The following IGFBP2 variants were observed in gnomAD, a reference collection of about 807,000 sequenced individuals.
IGFBP2 encodes insulin like growth factor binding protein 2.
In IGFBP2, 12 loss-of-function variants were observed where a neutral mutation model predicts 26.2. The observed-to-expected ratio is 0.46, with a 90% CI of 0.29 to 0.74. IGFBP2 has a LOEUF of 0.74. Among genes scored for constraint, IGFBP2 ranks in the 30% least tolerant of loss-of-function variants. The pLI, the probability that IGFBP2 is intolerant of heterozygous loss-of-function variation, is 0.09. For missense variants in IGFBP2, 328 were observed against 441.2 expected (o/e 0.74, Z 2.30); for synonymous variants, 189 against 200.6 (o/e 0.94, Z 0.49).
intron 1 of IGFBP2, among the ~76,000 whole-genome samples, chr2:216,647,834 T>G (rs9341151): frequency 0.051 from 7,750 of 152,162 alleles, 600 homozygotes; most frequent in African/African-American, 0.18. Flanking sequence ...TTTATTTGTT[T>G]TTTTGAGACA....
At chr2:216,638,742 C>T (rs1008113016) in intron 1 of IGFBP2, among the ~76,000 whole-genome samples, 1 of 151,784 alleles carries the variant, frequency 6.6e-6, no homozygotes, top group African/African-American at 2.4e-5. Context: ...CTCTCTTGCC[C>T]AGGCTGGAGT....
At chr2:216,663,759 A>T (rs1688702937) in intron 3 of IGFBP2, 181 bp from the exon 4 acceptor site, 3 of 600,722 alleles carry the variant, frequency 5.0e-6, no homozygotes, top group Non-Finnish European at 8.8e-6. Flanking sequence ...CTCTCCAGGG[A>T]CCTACTGCAT....
chr2:216,663,300 G>C (rs1173338426), intron 3 of IGFBP2: 1 of 152,210 alleles, frequency 6.6e-6, no homozygotes, highest in Non-Finnish European at 1.5e-5. Flanking sequence ...GGAGTAGTTA[G>C]CTTATGCATA....
rs963232484 is a variant in IGFBP2 at position 216,641,689 on chromosome 2, T to C, written c.442+7724T>C. Among the ~76,000 whole-genome samples the C allele has an allele frequency of 1.1e-4, 9 of 85,106 alleles. No individual in the cohort carries two copies. In the African/African-American group the frequency reaches 1.1e-3, roughly 10 times the overall value. 55.8% of individuals were successfully genotyped at this position (85,106 alleles called of 152,430 possible). ...ACGGTTGGAGACCATCGGGCTTGCATTTTTTTTTTTTTTTTTTTTAGACAG... is the reference window on the plus strand; with the variant it reads ...ACGGTTGGAGACCATCGGGCTTGCACTTTTTTTTTTTTTTTTTTTAGACAG... On this transcript the variant is annotated intron_variant, in intron 1 of 3. Transcript: ENST00000233809.
At chr2:216,649,429 A>G (rs1399243891) in intron 1 of IGFBP2, among the ~76,000 whole-genome samples, 2 of 152,190 alleles carry the variant, frequency 1.3e-5, no homozygotes, top group Non-Finnish European at 2.9e-5. Context: ...AGAGAGAAGA[A>G]TTGCTGGGTC....
Position 216,633,570 on chromosome 2 carries a change from C to CTGCTGCT in IGFBP2, c.47_48insTGCTGCT (p.Leu17AlafsTer118). ...CCCGCGCTGCCGCTGCCGCCGCCGC[C>CTGCTGCT]GCTGCTGCCGCTGCTGCTGCTGCTA... On this transcript the variant is annotated frameshift_variant, in exon 1 of 4. Coordinates refer to ENST00000233809, the MANE Select transcript of IGFBP2 (RefSeq NM_000597.3). LOFTEE classifies it high-confidence loss of function. The CTGCTGCT allele has an allele frequency of 2.0e-6, 2 of 1,008,442 alleles. No homozygotes were observed. Among genetic ancestry groups the CTGCTGCT allele is most frequent in the Non-Finnish European group, 2.4e-6 (2 of 846,860 alleles). The allele number at this position is 1,008,442 out of a possible 1,614,324, so 62.5% of individuals were successfully genotyped here.
intron 1 of IGFBP2, among the ~76,000 whole-genome samples, chr2:216,639,777 G>A (rs1279499651): frequency 2.0e-5 from 3 of 151,998 alleles, no homozygotes; most frequent in Non-Finnish European, 4.4e-5. Context: ...CAAGTAGCTG[G>A]AATTATAGAC....
chr2:216,658,809 CCCAA>C (rs761517912), intron 1 of IGFBP2, among the ~76,000 whole-genome samples: 1 of 152,036 alleles, frequency 6.6e-6, no homozygotes, highest in Non-Finnish European at 1.5e-5. Flanking sequence ...GCCTCAGCCT[CCCAA>C]AGTGCTGGGA....
intron 1 of IGFBP2, among the ~76,000 whole-genome samples, chr2:216,655,397 T>TCACTCCTGA (rs1697900629): frequency 6.6e-6 from 1 of 152,172 alleles, no homozygotes; most frequent in Admixed American, 6.5e-5. Context: ...TCCTGAGATC[T>TCACTCCTGA]GATGGTTTTA....
chr2:216,643,479 G>A (rs1697653821), intron 1 of IGFBP2, among the ~76,000 whole-genome samples: 1 of 152,144 alleles, frequency 6.6e-6, no homozygotes, highest in Admixed American at 6.5e-5. Context: ...GAGTCTCTGA[G>A]GGTCAGAATA....
At chr2:216,646,535 T>C (rs971642196) in intron 1 of IGFBP2, among the ~76,000 whole-genome samples, 15 of 152,200 alleles carry the variant, frequency 9.9e-5, no homozygotes, top group African/African-American at 3.4e-4. Context: ...TCTTTGATAG[T>C]GTATTAGTCT....
intron 1 of IGFBP2, among the ~76,000 whole-genome samples, chr2:216,634,510 T>C (rs2106185147): frequency 6.6e-6 from 1 of 152,290 alleles, no homozygotes; most frequent in East Asian, 1.9e-4. Context: ...CTTTGTAGGA[T>C]GAGTCGCTTA....
intron 1 of IGFBP2, among the ~76,000 whole-genome samples, chr2:216,646,797 C>A (rs1201477957): frequency 6.6e-6 from 1 of 152,182 alleles, no homozygotes; most frequent in Non-Finnish European, 1.5e-5. Context: ...GATTCAATTA[C>A]CTCCCACTGG....
Position 216,633,917 on chromosome 2 carries a change from G to GAGA in IGFBP2, c.397_399dup (p.Lys133dup). The GAGA allele has an allele frequency of 3.7e-6, 6 of 1,602,424 alleles. No individual in the cohort carries two copies. The highest frequency in any genetic ancestry group is 5.1e-6 in the Non-Finnish European group (6 of 1,176,140). Reference sequence around the variant, plus strand: ...GCTGGTCATGGGCGAGGGCACTTGTGAGAAGCGCCGGGACGCCGAGTATGG... The same window carrying GAGA: ...GCTGGTCATGGGCGAGGGCACTTGTGAGAAGAAGCGCCGGGACGCCGAGTATGG... On this transcript the variant is annotated inframe_insertion, in exon 1 of 4. Transcript: ENST00000233809.
chr2:216,647,812 G>A (rs562227194), intron 1 of IGFBP2, among the ~76,000 whole-genome samples: 18 of 152,176 alleles, frequency 1.2e-4, no homozygotes, highest in East Asian at 3.9e-4. Context: ...GAGCCACTGC[G>A]CCCGGCCCTT....
rs184687974 is a variant in IGFBP2 at position 216,660,564 on chromosome 2, C to T, written c.450C>T (p.Gly150=). Residue 150 remains glycine (G), a synonymous_variant, in exon 2 of 4, where the codon GGC becomes GGT. Transcript: ENST00000233809. ...GASPEQVADN[G]DDHSEGGLVE... ...CCCTTCCTCTCTTGGCAGACAATGGCGATGACCACTCAGAAGGAGGCCTGG... is the reference window on the plus strand; with the variant it reads ...CCCTTCCTCTCTTGGCAGACAATGGTGATGACCACTCAGAAGGAGGCCTGG... 51 of 1,601,878 alleles carry T rather than the reference C, an allele frequency of 3.2e-5. No individual in the cohort carries two copies. In the East Asian group the frequency reaches 4.5e-4, roughly 14 times the overall value.
At chr2:216,643,136 C>A (rs894034177) in intron 1 of IGFBP2, among the ~76,000 whole-genome samples, 1 of 152,178 alleles carries the variant, frequency 6.6e-6, no homozygotes, top group African/African-American at 2.4e-5. Context: ...CGTCTCTGAA[C>A]CTGGGATGCC....
At chr2:216,636,690 G>C (rs1307806022) in intron 1 of IGFBP2, among the ~76,000 whole-genome samples, 1 of 152,174 alleles carries the variant, frequency 6.6e-6, no homozygotes, top group African/African-American at 2.4e-5. Flanking sequence ...GCCTAGAAAT[G>C]TCAGGGTCGA....
chr2:216,643,236 T>C (rs1697650399), intron 1 of IGFBP2, among the ~76,000 whole-genome samples: 1 of 152,178 alleles, frequency 6.6e-6, no homozygotes, highest in Non-Finnish European at 1.5e-5. Flanking sequence ...CAGAGTTTAC[T>C]CCTGAGTTGG....
Sources: allele counts gnomAD v4.1 joint callset (sites outside exome capture counted in the v4.1 genomes callset), GRCh38; gene constraint gnomAD v4.1.1; transcripts MANE v1.5; gene names NCBI Gene and HGNC (gene_info 2026-07-23, HGNC 2026-07-21).